The following LSAMP variants were observed in gnomAD, a reference collection of about 807,000 sequenced individuals.
LSAMP encodes limbic system-associated membrane protein.
In LSAMP, 7 loss-of-function variants were observed where a neutral mutation model predicts 38.6. The observed-to-expected ratio is 0.18, with a 90% CI of 0.10 to 0.34. The LOEUF (loss-of-function observed/expected upper bound fraction) is 0.34. Ranked by LOEUF, LSAMP falls within the 10% of genes least tolerant of loss-of-function variation. The probability of loss-of-function intolerance (pLI) is 1.00; values close to 1 mark genes in which losing one functional copy is unlikely to be tolerated. For synonymous variants in LSAMP, 154 were observed against 166.8 expected, an observed-to-expected ratio of 0.92 and a Z score of 0.59; for missense variants, 313 against 420.0, an observed-to-expected ratio of 0.75 and a Z score of 2.23.
chr3:116,105,731 G>T (rs959047214), intron 1 of LSAMP, among the ~76,000 whole-genome samples: 5 of 152,186 alleles, frequency 3.3e-5, no homozygotes, highest in African/African-American at 1.2e-4. Context: ...AGGCCATCTG[G>T]GCATATACGT....
At chr3:116,403,539 A>G (rs2107829175) in intron 1 of LSAMP, among the ~76,000 whole-genome samples, 1 of 152,286 alleles carries the variant, frequency 6.6e-6, no homozygotes, top group Admixed American at 6.5e-5. Flanking sequence ...CTACAACTTG[A>G]AGAGCATACA....
intron 3 of LSAMP, among the ~76,000 whole-genome samples, chr3:115,968,504 TG>T: frequency 6.6e-6 from 1 of 152,304 alleles, no homozygotes; most frequent in East Asian, 1.9e-4. Context: ...AGGTAGGACC[TG>T]GAATGGGGAC....
chr3:116,142,685 C>T (rs1415076809), intron 1 of LSAMP, among the ~76,000 whole-genome samples: 1 of 151,876 alleles, frequency 6.6e-6, no homozygotes, highest in Non-Finnish European at 1.5e-5. Flanking sequence ...GTTTAAAATC[C>T]TCTCATCATT....
chr3:115,829,199 A>C (rs572823617), intron 6 of LSAMP, among the ~76,000 whole-genome samples: 2 of 152,282 alleles, frequency 1.3e-5, no homozygotes, highest in African/African-American at 4.8e-5. Context: ...AAGAGTAAAG[A>C]GGTGGGGGAG....
intron 1 of LSAMP, among the ~76,000 whole-genome samples, chr3:116,283,153 G>A (rs1454327783): frequency 6.8e-6 from 1 of 147,496 alleles, no homozygotes; most frequent in African/African-American, 2.5e-5. Flanking sequence ...CCCAATCCCA[G>A]AAAAATGATT....
chr3:116,309,391 C>T lies in LSAMP; in HGVS notation c.155+135486G>A, dbSNP rs1051154749. 1.1e-4 allele frequency among the ~76,000 whole-genome samples: 16 copies of T among 152,150 alleles called. No homozygotes were observed. The East Asian group carries it at 2.5e-3, about 24-fold the overall frequency. ...AGTCTGCACTGTTCCATATAGTAAC[C>T]GTGAGCTATGTATGACTTTTTAGCC... On this transcript the variant is annotated intron_variant, in intron 1 of 6. Transcript: ENST00000490035.
At chr3:116,105,248 C>T (rs1036913956) in intron 1 of LSAMP, among the ~76,000 whole-genome samples, 26 of 151,922 alleles carry the variant, frequency 1.7e-4, no homozygotes, top group Admixed American at 6.6e-4. Flanking sequence ...CCAGGCAATT[C>T]TTTGAGACTC....
intron 1 of LSAMP, among the ~76,000 whole-genome samples, chr3:116,166,953 G>C (rs1003995894): frequency 6.6e-6 from 1 of 151,774 alleles, no homozygotes; most frequent in African/African-American, 2.4e-5. Context: ...ACCAGGCCCG[G>C]CTAATTTTTT....
At chr3:116,065,954 T>G (rs1460495598) in intron 2 of LSAMP, among the ~76,000 whole-genome samples, 1 of 152,246 alleles carries the variant, frequency 6.6e-6, no homozygotes, top group African/African-American at 2.4e-5. Flanking sequence ...CTCATGTGTT[T>G]ATATAAGGTT....
At chr3:116,202,980 GT>G (rs1327561295) in intron 1 of LSAMP, among the ~76,000 whole-genome samples, 6 of 152,218 alleles carry the variant, frequency 3.9e-5, no homozygotes, top group Non-Finnish European at 7.4e-5. Flanking sequence ...TGATTTTTGT[GT>G]ATTGATTTTG....
chr3:115,841,998 G>C lies in LSAMP; in HGVS notation c.771-5C>G. On this transcript the variant is annotated splice_region_variant and splice_polypyrimidine_tract_variant and intron_variant, in intron 5 of 6. Transcript: ENST00000490035. ...AGGCCATTGGCACTATTTATCCTAA[G>C]AGTTCAAAAACAGAAGAATAGAAAG... 6.2e-7 allele frequency: 1 copy of C among 1,606,626 alleles called. No individual in the cohort carries two copies. Among genetic ancestry groups the C allele is most frequent in the Non-Finnish European group, 8.5e-7 (1 of 1,178,058 alleles).
intron 1 of LSAMP, among the ~76,000 whole-genome samples, chr3:116,410,452 G>A (rs2048957440): frequency 2.0e-5 from 3 of 151,638 alleles, no homozygotes. Flanking sequence ...AAAAGCAACT[G>A]CTAGTTTTAA....
chr3:116,444,787 GACACACACACACACACACACACAAACAC>G lies in LSAMP; in HGVS notation c.155+62_155+89del, dbSNP rs375902236. Reference sequence around the variant, plus strand: ...CAGGAGCTGGAGTTCAAGGAGATCAGACACACACACACACACACACACAAACACACACACACACACACACACACGTGTA... The same window carrying G: ...CAGGAGCTGGAGTTCAAGGAGATCAGACACACACACACACACACACGTGTA... On this transcript the variant is annotated intron_variant, in intron 1 of 6. Transcript: ENST00000490035. The G allele has an allele frequency of 8.3e-6, 10 of 1,202,222 alleles. No homozygotes were observed. The Admixed American group carries it at 1.4e-4, about 17-fold the overall frequency. The allele number at this position is 1,202,222 out of a possible 1,614,324, so 74.5% of individuals were successfully genotyped here.
In LSAMP at chr3:116,011,675, T is replaced by C. The variant is rs936884134; in HGVS notation, c.514+7840A>G. Among the ~76,000 whole-genome samples, 29 of 152,264 alleles carry C rather than the reference T, an allele frequency of 1.9e-4. 1 individual carries two copies. Among genetic ancestry groups the C allele is most frequent in the Admixed American group, 1.2e-3 (19 of 15,294 alleles). ...GAGAGGAAATATTGGCTGAACTACA[T>C]TGTGACAATGAAAATAAGGAAAGTG... On this transcript the variant is annotated intron_variant, in intron 3 of 6. Transcript: ENST00000490035.
At chr3:116,286,325 T>A (rs972097336) in intron 1 of LSAMP, among the ~76,000 whole-genome samples, 2 of 152,198 alleles carry the variant, frequency 1.3e-5, no homozygotes, top group African/African-American at 4.8e-5. Flanking sequence ...GAAACAACCT[T>A]GCCATGGATA....
At chr3:116,112,236 C>T (rs1214121693) in intron 1 of LSAMP, among the ~76,000 whole-genome samples, 2 of 152,164 alleles carry the variant, frequency 1.3e-5, no homozygotes, top group African/African-American at 4.8e-5. Flanking sequence ...AAATGTGTGT[C>T]TTGGGACTGC....
At chr3:115,841,358 C>G (rs79394248) in intron 6 of LSAMP, among the ~76,000 whole-genome samples, 82 of 152,278 alleles carry the variant, frequency 5.4e-4, no homozygotes, top group African/African-American at 1.8e-3. Context: ...TCCACCCTTC[C>G]TCTTGTGTTG....
At chr3:116,197,490 C>A (rs1273230649) in intron 1 of LSAMP, among the ~76,000 whole-genome samples, 5 of 152,178 alleles carry the variant, frequency 3.3e-5, no homozygotes, top group African/African-American at 1.2e-4. Context: ...TACAACTCTA[C>A]AGACTCAGCA....
intron 1 of LSAMP, among the ~76,000 whole-genome samples, chr3:116,174,015 T>C (rs12632889): frequency 0.5 from 75,861 of 151,742 alleles, 21,452 homozygotes; most frequent in East Asian, 0.74. Flanking sequence ...CTCAGAACTT[T>C]TCCAAATCAG....
Sources: gnomAD v4.1 joint callset for allele counts (sites outside exome capture counted in the v4.1 genomes callset) on GRCh38, gnomAD v4.1.1 for gene constraint, MANE v1.5 for transcripts, NCBI Gene and HGNC (gene_info 2026-07-23, HGNC 2026-07-21) for gene names.